The following CNTLN variants were observed in gnomAD, a reference collection of about 807,000 sequenced individuals.
CNTLN encodes the protein centlein.
Under a neutral mutation model 180.0 loss-of-function variants are expected in CNTLN, and 212 were observed. The observed-to-expected ratio is 1.18, with a 90% confidence interval of 1.05 to 1.32. CNTLN has a LOEUF of 1.32. Among genes scored for constraint, CNTLN ranks in the 40% most tolerant of loss-of-function variants. CNTLN has a pLI of 0.00. For synonymous variants in CNTLN, 722 were observed against 563.1 expected (o/e 1.28, Z -3.99); for missense variants, 2,095 against 1,610.9 (o/e 1.30, Z -5.14).
At chr9:17,263,563 T>C (rs1827175002) in intron 5 of CNTLN, among the ~76,000 whole-genome samples, 1 of 151,554 alleles carries the variant, frequency 6.6e-6, no homozygotes, top group East Asian at 2.0e-4. Flanking sequence ...TACCCAGTAA[T>C]GGGATGGCTG....
chr9:17,274,507 A>T (rs202129775), intron 6 of CNTLN, among the ~76,000 whole-genome samples: 2 of 102,702 alleles, frequency 1.9e-5, no homozygotes, highest in East Asian at 3.0e-4. Context: ...CTATCTATGT[A>T]TCTTTCTATC....
intron 2 of CNTLN, among the ~76,000 whole-genome samples, chr9:17,195,649 C>T (rs1478659688): frequency 3.3e-5 from 5 of 152,092 alleles, no homozygotes; most frequent in African/African-American, 1.2e-4. Context: ...CAGCATTCTG[C>T]CAGTAGCGTG....
intron 11 of CNTLN, among the ~76,000 whole-genome samples, chr9:17,341,836 A>C (rs556878981): frequency 6.6e-5 from 10 of 152,182 alleles, no homozygotes; most frequent in Admixed American, 6.5e-4. Context: ...GTGATAAAGC[A>C]GTTTGTCCTA....
chr9:17,166,826 C>T (rs538457752), intron 2 of CNTLN: 23 of 413,128 alleles, frequency 5.6e-5, no homozygotes, highest in East Asian at 3.6e-4. Context: ...AGGAGGCCAC[C>T]GGAAGATGTG....
chr9:17,407,033 G>A (rs1303356603), intron 15 of CNTLN, among the ~76,000 whole-genome samples: 1 of 149,420 alleles, frequency 6.7e-6, no homozygotes, highest in African/African-American at 2.5e-5. Context: ...CATAAAAAGA[G>A]GTAAACAATT....
At chr9:17,153,028 C>G (rs191772808) in intron 2 of CNTLN, among the ~76,000 whole-genome samples, 3 of 152,096 alleles carry the variant, frequency 2.0e-5, no homozygotes, top group African/African-American at 4.8e-5. Flanking sequence ...TCTTCCATCC[C>G]TGTATTTTGA....
At chr9:17,474,595 A>T (rs1357480045) in intron 23 of CNTLN, among the ~76,000 whole-genome samples, 1 of 152,148 alleles carries the variant, frequency 6.6e-6, no homozygotes, top group Non-Finnish European at 1.5e-5. Context: ...ATGGGCAGGC[A>T]TAGTGGCTCA....
chr9:17,209,787 A>C (rs556231275), intron 2 of CNTLN, among the ~76,000 whole-genome samples: 21 of 152,322 alleles, frequency 1.4e-4, no homozygotes, highest in African/African-American at 5.1e-4. Context: ...CTTCTATAAG[A>C]ATGTGGTTCA....
At chr9:17,526,546 C>A in the CNTLN span, among the ~76,000 whole-genome samples, 2 of 152,136 alleles carry the variant, frequency 1.3e-5, no homozygotes, top group African/African-American at 4.8e-5. Flanking sequence ...AAGACTGATA[C>A]AATAAGTGTG....
intron 8 of CNTLN, among the ~76,000 whole-genome samples, chr9:17,323,354 C>T (rs181280146): frequency 6.6e-6 from 1 of 152,080 alleles, no homozygotes; most frequent in Non-Finnish European, 1.5e-5. Flanking sequence ...AACAGTGATC[C>T]GATTTGTTTT....
chr9:17,222,771 A>G (rs1034814803), intron 2 of CNTLN, among the ~76,000 whole-genome samples: 3 of 152,024 alleles, frequency 2.0e-5, no homozygotes, highest in African/African-American at 7.2e-5. Context: ...ATACTTGATC[A>G]TTCCTTTCTA....
Position 17,237,617 on chromosome 9 carries a change from T to G in CNTLN, c.849+1029T>G, listed in dbSNP as rs571705497. ...GATTTAAAGTATATGGGAACGTGTG[T>G]AGGGTATTTGCAAATACTATGCCAT... On this transcript the variant is annotated intron_variant, in intron 5 of 25. Transcript: ENST00000380647. Among the ~76,000 whole-genome samples the G allele has an allele frequency of 4.6e-5, 7 of 152,278 alleles. No homozygotes were observed. In the South Asian group the frequency reaches 1.5e-3, roughly 32 times the overall value.
At position 17,394,906 on chromosome 9, in the gene CNTLN, C is replaced by T. The variant is rs754809834; in HGVS notation, c.2452C>T (p.Arg818Ter). The change falls in exon 15 of 26, where the codon CGA becomes TGA. Residue 818 changes from arginine (R) to a stop codon, truncating the protein, a stop_gained. Coordinates refer to ENST00000380647, the MANE Select transcript of CNTLN (RefSeq NM_017738.4). LOFTEE classifies it high-confidence loss of function. ...EMATMKVRSG[R>*]YDCKTTMTKV... ...GGCCACCATGAAAGTGAGATCTGGA[C>T]GATATGATTGTAAGACAACTATGAC... 36 of 1,613,886 alleles carry T rather than the reference C, an allele frequency of 2.2e-5. No homozygotes were observed. The highest frequency in any genetic ancestry group is 4.5e-5 in the East Asian group (2 of 44,888).
intron 6 of CNTLN, among the ~76,000 whole-genome samples, chr9:17,277,868 A>T (rs1362098706): frequency 2.6e-5 from 4 of 152,254 alleles, no homozygotes; most frequent in African/African-American, 9.6e-5. Flanking sequence ...ATTCAGGGAA[A>T]TATCAAAGTT....
Position 17,466,689 on chromosome 9 carries a change from C to G in CNTLN, c.3670-17C>G, listed in dbSNP as rs773288572. ...TTATAAAATATCTTTTATTTTATGACTGCTGATCTTTTGCAGGATCTCAAG... is the reference window on the plus strand; with the variant it reads ...TTATAAAATATCTTTTATTTTATGAGTGCTGATCTTTTGCAGGATCTCAAG... On this transcript the variant is annotated splice_polypyrimidine_tract_variant and intron_variant, in intron 22 of 25. Transcript: ENST00000380647. The G allele has an allele frequency of 4.1e-5, 66 of 1,595,640 alleles. No homozygotes were observed. The highest frequency in any genetic ancestry group is 5.0e-5 in the Non-Finnish European group (58 of 1,169,964).
At chr9:17,290,828 G>C (rs1451554934) in intron 6 of CNTLN, among the ~76,000 whole-genome samples, 1 of 152,132 alleles carries the variant, frequency 6.6e-6, no homozygotes, top group Non-Finnish European at 1.5e-5. Context: ...CTGATCCCTC[G>C]CGCTTCCCAG....
At chr9:17,147,018 T>G (rs1356919661) in intron 2 of CNTLN, among the ~76,000 whole-genome samples, 1 of 152,226 alleles carries the variant, frequency 6.6e-6, no homozygotes, top group Non-Finnish European at 1.5e-5. Context: ...AAGTGTATAA[T>G]GAACCTTCAC....
At chr9:17,362,265 A>G (rs892741578) in intron 12 of CNTLN, among the ~76,000 whole-genome samples, 1 of 152,162 alleles carries the variant, frequency 6.6e-6, no homozygotes, top group African/African-American at 2.4e-5. Flanking sequence ...TTGTGGGGCC[A>G]TCTTGCTTCA....
chr9:17,280,419 T>G (rs529934979), intron 6 of CNTLN, among the ~76,000 whole-genome samples: 24 of 152,308 alleles, frequency 1.6e-4, no homozygotes, highest in African/African-American at 5.8e-4. Context: ...GGCATTTTTT[T>G]TTCTTTGTAT....
Sources: allele counts gnomAD v4.1 joint callset (sites outside exome capture counted in the v4.1 genomes callset), GRCh38; gene constraint gnomAD v4.1.1; transcripts MANE v1.5; gene names NCBI Gene and HGNC (gene_info 2026-07-23, HGNC 2026-07-21).